Variants in ATG5 observed in about 807,000 individuals in gnomAD.
ATG5 encodes autophagy related 5, also known as autophagy protein 5.
Under a neutral mutation model 36.5 loss-of-function variants are expected in ATG5, and 14 were observed. The observed-to-expected ratio is 0.38, with a 90% CI of 0.25 to 0.60. ATG5 has a LOEUF of 0.60. Among genes scored for constraint, ATG5 ranks in the 20% least tolerant of loss-of-function variants. The pLI, the probability that ATG5 is intolerant of heterozygous loss-of-function variation, is 0.60. For missense variants in ATG5, 195 were observed against 326.7 expected, an observed-to-expected ratio of 0.60 and a Z score of 3.11; for synonymous variants, 95 against 101.5, an observed-to-expected ratio of 0.94 and a Z score of 0.38.
At chr6:106,280,562 CA>C (rs138940969) in intron 4 of ATG5, among the ~76,000 whole-genome samples, 12,925 of 151,976 alleles carry the variant, frequency 0.085, 571 homozygotes, top group South Asian at 0.13. Context: ...TTCTTTTAGG[CA>C]GCTAAAGCAA....
chr6:106,243,799 C>A (rs561621133), intron 6 of ATG5, among the ~76,000 whole-genome samples: 4 of 151,436 alleles, frequency 2.6e-5, no homozygotes, highest in Non-Finnish European at 5.9e-5. Flanking sequence ...CTAGTGCACT[C>A]CAGCCTGGGC....
chr6:106,285,959 G>C (rs1021636202), intron 4 of ATG5, among the ~76,000 whole-genome samples: 4 of 152,106 alleles, frequency 2.6e-5, no homozygotes, highest in Admixed American at 6.5e-5. Flanking sequence ...TCAAGTAACT[G>C]CCTAGTATGT....
rs551881539 is a variant in ATG5 at position 106,228,056 on chromosome 6, T to G, written c.573+20094A>C. ...GGCTTAAACTGATTATTTTACAGCT[T>G]GGGTGCAATTATCCCACAAAAAACT... On this transcript the variant is annotated intron_variant, in intron 6 of 7. Coordinates refer to ENST00000369076, the MANE Select transcript of ATG5 (RefSeq NM_004849.4). 1.3e-4 allele frequency among the ~76,000 whole-genome samples: 20 copies of G among 152,322 alleles called. No individual in the cohort carries two copies. In the South Asian group the frequency reaches 1.7e-3, roughly 13 times the overall value.
intron 5 of ATG5, among the ~76,000 whole-genome samples, chr6:106,266,535 A>G (rs1383788340): frequency 6.6e-6 from 1 of 152,224 alleles, no homozygotes; most frequent in Non-Finnish European, 1.5e-5. Flanking sequence ...AAAACCTGGC[A>G]GAGACACAAC....
intron 6 of ATG5, among the ~76,000 whole-genome samples, chr6:106,207,958 G>A (rs979356795): frequency 3.3e-5 from 5 of 152,150 alleles, no homozygotes; most frequent in Admixed American, 6.5e-5. Context: ...CAGGCATGGT[G>A]GCACGTGCCT....
intron 4 of ATG5, among the ~76,000 whole-genome samples, chr6:106,286,697 C>G (rs776044145): frequency 1.5e-4 from 23 of 152,196 alleles, no homozygotes; most frequent in Non-Finnish European, 7.3e-5. Context: ...ACCAGACTAC[C>G]TCTAGACTTT....
chr6:106,314,275 G>C (rs1770758909), intron 2 of ATG5, among the ~76,000 whole-genome samples: 1 of 152,220 alleles, frequency 6.6e-6, no homozygotes, highest in Admixed American at 6.5e-5. Flanking sequence ...AAAGTAAACA[G>C]GCTGGGTGGA....
chr6:106,278,892 T>C (rs1779763851), intron 5 of ATG5, among the ~76,000 whole-genome samples: 1 of 152,222 alleles, frequency 6.6e-6, no homozygotes, highest in African/African-American at 2.4e-5. Context: ...TCATCTGTTG[T>C]TATGTAATGA....
At chr6:106,220,434 G>A (rs532576869) in intron 6 of ATG5, among the ~76,000 whole-genome samples, 2 of 152,128 alleles carry the variant, frequency 1.3e-5, no homozygotes, top group South Asian at 4.1e-4. Flanking sequence ...GAACTGAGGC[G>A]TATACTTCAT....
intron 6 of ATG5, among the ~76,000 whole-genome samples, chr6:106,238,344 A>C (rs1756381020): frequency 6.6e-6 from 1 of 152,204 alleles, no homozygotes; most frequent in South Asian, 2.1e-4. Flanking sequence ...TGCCATAACT[A>C]GGGTGTGAAT....
intron 6 of ATG5, among the ~76,000 whole-genome samples, chr6:106,204,909 C>G (rs1032763918): frequency 6.6e-6 from 1 of 152,058 alleles, no homozygotes; most frequent in Non-Finnish European, 1.5e-5. Flanking sequence ...CAAGTTGAAA[C>G]CAAGAACAAT....
chr6:106,201,848 AC>A (rs1776443040), intron 7 of ATG5, 123 bp downstream of exon 7: 1 of 635,328 alleles, frequency 1.6e-6, no homozygotes, highest in African/African-American at 1.8e-5. Context: ...GTTTGAAAAG[AC>A]TTTTCGCTGT....
Position 106,316,202 on chromosome 6 carries a change from C to T in ATG5, c.7G>A (p.Asp3Asn). 1 of 1,613,354 alleles carries T rather than the reference C, an allele frequency of 6.2e-7. No individual in the cohort carries two copies. The highest frequency in any genetic ancestry group is 8.5e-7 in the Non-Finnish European group (1 of 1,179,504). MT[D>N]DKDVLRDVWF... is the part of the protein sequence containing the mutation. ...ACATCTCGAAGCACATCTTTGTCAT[C>T]TGTCATTCTTCCAGGAGTTAAAGCA... The change falls in exon 2 of 8, where the codon GAT (aspartate) becomes AAT (asparagine). Residue 3 changes from aspartate to asparagine, a missense_variant. Physicochemically the swap from Asp to Asn is conservative, Grantham distance 23. Coordinates refer to ENST00000369076, the MANE Select transcript of ATG5 (RefSeq NM_004849.4).
intron 6 of ATG5, among the ~76,000 whole-genome samples, chr6:106,225,572 T>C (rs575848537): frequency 1.4e-4 from 21 of 152,308 alleles, no homozygotes; most frequent in African/African-American, 4.8e-4. Context: ...ATCATTAAAG[T>C]GGTGATATCA....
chr6:106,271,254 T>C (rs945528958), intron 5 of ATG5, among the ~76,000 whole-genome samples: 2 of 152,226 alleles, frequency 1.3e-5, no homozygotes, highest in African/African-American at 4.8e-5. Flanking sequence ...AAAACATACC[T>C]ATTGTGGACT....
At position 106,269,561 on chromosome 6, in the gene ATG5, G is replaced by GCTAA. The variant is rs535624618; in HGVS notation, c.478+10096_478+10099dup. 4.6e-5 allele frequency among the ~76,000 whole-genome samples: 7 copies of GCTAA among 152,362 alleles called. No individual in the cohort carries two copies. In the South Asian group the frequency reaches 1.2e-3, roughly 27 times the overall value. The stretch of plus-strand genomic sequence containing the variant: ...CCGAGCCCTGCCCCGCGGGAAGGCA[G>GCTAA]CTAAGGCCAGGTGAGAAATCGAGTG... On this transcript the variant is annotated intron_variant, in intron 5 of 7. Transcript: ENST00000369076.
chr6:106,205,543 A>C (rs1776596665), intron 6 of ATG5, among the ~76,000 whole-genome samples: 1 of 152,242 alleles, frequency 6.6e-6, no homozygotes, highest in African/African-American at 2.4e-5. Context: ...TTATGTATCC[A>C]TAATAATTAA....
chr6:106,198,796 G>A (rs1000745426), intron 7 of ATG5, among the ~76,000 whole-genome samples: 2 of 151,532 alleles, frequency 1.3e-5, no homozygotes, highest in Non-Finnish European at 2.9e-5. Flanking sequence ...AAGAGAGAGA[G>A]TGAGAAAGAG....
At chr6:106,276,577 TC>T (rs762646934) in intron 5 of ATG5, among the ~76,000 whole-genome samples, 7 of 152,040 alleles carry the variant, frequency 4.6e-5, no homozygotes, top group Non-Finnish European at 1.0e-4. Context: ...TTAATCATTA[TC>T]CTCCATACCC....
Sources: gnomAD v4.1 joint callset for allele counts (sites outside exome capture counted in the v4.1 genomes callset) on GRCh38, gnomAD v4.1.1 for gene constraint, MANE v1.5 for transcripts, NCBI Gene and HGNC (gene_info 2026-07-23, HGNC 2026-07-21) for gene names.